The following TMEM196 variants were observed in gnomAD, a reference collection of about 807,000 sequenced individuals.
TMEM196 encodes transmembrane protein 196.
In TMEM196, 17 loss-of-function variants were observed where a neutral mutation model predicts 20.0. The ratio of observed to expected loss-of-function variants is 0.85; its 90% CI spans 0.58 to 1.27. The LOEUF (loss-of-function observed/expected upper bound fraction) is 1.27, where lower values mean the gene tolerates loss of function less well. TMEM196 is among the 50% of genes most tolerant of loss of function. The pLI is 0.00. For synonymous variants in TMEM196, 113 were observed against 88.9 expected (o/e 1.27, Z -1.52); for missense variants, 267 against 223.0 (o/e 1.20, Z -1.26).
chr7:19,772,777 C>T lies in TMEM196; in HGVS notation c.-81G>A. 3 of 1,291,464 alleles carry T rather than the reference C, an allele frequency of 2.3e-6. No homozygotes were observed. The highest frequency in any genetic ancestry group is 3.0e-5 in the East Asian group (1 of 33,726). 80.0% of individuals were successfully genotyped at this position (1,291,464 alleles called of 1,614,324 possible). On this transcript the variant is annotated 5_prime_UTR_variant, in exon 1 of 5. Transcript: ENST00000405844. ...TTTTCTTCCACTATCCTCCTTACCC[C>T]TTCCACCCCCTACCAGATCCCAAAA...
chr7:19,725,732 T>G lies in TMEM196; in HGVS notation c.241A>C (p.Ile81Leu). The G allele has an allele frequency of 6.2e-7, 1 of 1,612,614 alleles. No individual in the cohort carries two copies. The highest frequency in any genetic ancestry group is 2.2e-5 in the East Asian group (1 of 44,824). Residue 81 changes from isoleucine (I) to leucine (L), a missense_variant, in exon 3 of 5, where the codon ATT becomes CTT. Coordinates refer to ENST00000405844, the MANE Select transcript of TMEM196 (RefSeq NM_001363562.2). ...AACTGAAAATTCAGGATGCCCCCAA[T>G]AAGTCCACAGATACAGCAGGCTGAA... ...LFSACCICGL[I>L]GGILNFQFLR...
chr7:19,747,037 C>A (rs1366343825), intron 1 of TMEM196, among the ~76,000 whole-genome samples: 1 of 152,010 alleles, frequency 6.6e-6, no homozygotes, highest in African/African-American at 2.4e-5. Context: ...GGGCGGATCA[C>A]GAGGTCAGGA....
chr7:19,742,587 C>T (rs1477591686), intron 1 of TMEM196, among the ~76,000 whole-genome samples: 1 of 152,144 alleles, frequency 6.6e-6, no homozygotes, highest in East Asian at 1.9e-4. Flanking sequence ...CCAGTGTCAA[C>T]ACTCTTGGGA....
chr7:19,731,157 G>A (rs1189375619), intron 1 of TMEM196, among the ~76,000 whole-genome samples: 1 of 151,834 alleles, frequency 6.6e-6, no homozygotes, highest in Non-Finnish European at 1.5e-5. Context: ...ACACTCAAAG[G>A]CAAAAAATGT....
intron 1 of TMEM196, among the ~76,000 whole-genome samples, chr7:19,743,991 T>G (rs1784663475): frequency 6.6e-6 from 1 of 152,080 alleles, no homozygotes; most frequent in Non-Finnish European, 1.5e-5. Context: ...TTCTGGTAAA[T>G]GAATATGGAG....
intron 1 of TMEM196, among the ~76,000 whole-genome samples, chr7:19,735,242 A>G (rs1784356066): frequency 6.6e-6 from 1 of 152,186 alleles, no homozygotes; most frequent in African/African-American, 2.4e-5. Flanking sequence ...ACCAACAGGT[A>G]TTAGGAAAGT....
At position 19,730,743 on chromosome 7, in the gene TMEM196, A is replaced by C. The variant is rs551985081; in HGVS notation, c.148-1305T>G. ...GAGAAGTACCAAGAAAATCTGTTAAAAAGCAATAAGTAAGGGAAGTTGTTG... is the reference window on the plus strand; with the variant it reads ...GAGAAGTACCAAGAAAATCTGTTAACAAGCAATAAGTAAGGGAAGTTGTTG... On this transcript the variant is annotated intron_variant, in intron 1 of 4. Transcript: ENST00000405844. Among the ~76,000 whole-genome samples the C allele has an allele frequency of 9.3e-4, 142 of 152,332 alleles. 1 individual carries two copies. The highest frequency in any genetic ancestry group is 7.0e-3 in the South Asian group (34 of 4,828).
chr7:19,731,744 C>A (rs1784211827), intron 1 of TMEM196, among the ~76,000 whole-genome samples: 1 of 152,138 alleles, frequency 6.6e-6, no homozygotes, highest in Non-Finnish European at 1.5e-5. Context: ...AATAAATTTG[C>A]TATTTTGTAT....
chr7:19,758,945 T>G (rs1785321509), intron 1 of TMEM196, among the ~76,000 whole-genome samples: 1 of 152,208 alleles, frequency 6.6e-6, no homozygotes, highest in Non-Finnish European at 1.5e-5. Context: ...AAACTCCCCC[T>G]TTAGCTCTAA....
At chr7:19,749,638 A>G (rs757171072) in intron 1 of TMEM196, among the ~76,000 whole-genome samples, 1 of 152,184 alleles carries the variant, frequency 6.6e-6, no homozygotes, top group African/African-American at 2.4e-5. Context: ...CATATCCATC[A>G]TCTCTTTCAA....
intron 1 of TMEM196, among the ~76,000 whole-genome samples, chr7:19,745,252 A>T (rs1203046710): frequency 1.1e-4 from 17 of 151,942 alleles, no homozygotes; most frequent in Non-Finnish European, 1.5e-5. Flanking sequence ...ATTTTTCTCA[A>T]TTTTTAAAAA....
At chr7:19,754,267 G>C (rs561517094) in intron 1 of TMEM196, among the ~76,000 whole-genome samples, 1 of 152,082 alleles carries the variant, frequency 6.6e-6, no homozygotes, top group Non-Finnish European at 1.5e-5. Flanking sequence ...TCAAGTGCTC[G>C]CTATCTATTA....
intron 1 of TMEM196, among the ~76,000 whole-genome samples, chr7:19,754,352 A>G (rs1785116133): frequency 6.6e-6 from 1 of 152,178 alleles, no homozygotes; most frequent in African/African-American, 2.4e-5. Context: ...TTATATTCAA[A>G]TTCTCAGCCA....
intron 1 of TMEM196, among the ~76,000 whole-genome samples, chr7:19,750,611 C>T (rs1338844167): frequency 1.3e-5 from 2 of 152,064 alleles, no homozygotes; most frequent in African/African-American, 4.8e-5. Flanking sequence ...AGGCCATTTT[C>T]TACTCCCAAA....
intron 1 of TMEM196, among the ~76,000 whole-genome samples, chr7:19,730,381 G>T (rs948407659): frequency 6.6e-6 from 1 of 152,154 alleles, no homozygotes; most frequent in African/African-American, 2.4e-5. Context: ...ATCTACCAAG[G>T]AGAGACTATT....
At chr7:19,743,454 A>G (rs1183944096) in intron 1 of TMEM196, among the ~76,000 whole-genome samples, 1 of 152,128 alleles carries the variant, frequency 6.6e-6, no homozygotes, top group Non-Finnish European at 1.5e-5. Context: ...TATAGTCTAT[A>G]TTACTTAGCC....
chr7:19,744,124 A>G (rs1784668218), intron 1 of TMEM196, among the ~76,000 whole-genome samples: 1 of 152,190 alleles, frequency 6.6e-6, no homozygotes, highest in African/African-American at 2.4e-5. Flanking sequence ...TTTCTGAATT[A>G]TTTAAGAATA....
rs941419464 is a variant in TMEM196 at position 19,725,635 on chromosome 7, A to G, written c.338T>C (p.Ile113Thr). The change falls in exon 3 of 5, where the codon ATT becomes ACT. Residue 113 changes from isoleucine (I) to threonine (T), a missense_variant. Physicochemically the swap from Ile to Thr is moderately conservative, Grantham distance 89 (BLOSUM62 -1). Transcript: ENST00000405844. ...LHLASMSLAC[I>T]GIGGCTLSSW... ...AGAGAGAGTGCAGCCCCCGATCCCA[A>G]TGCACGCGAGAGACATGGAGGCAAG... 4 of 1,614,012 alleles carry G rather than the reference A, an allele frequency of 2.5e-6. No homozygotes were observed. The African/African-American group carries it at 4.0e-5, about 16-fold the overall frequency.
intron 2 of TMEM196, among the ~76,000 whole-genome samples, chr7:19,727,862 T>A (rs1335585750): frequency 6.6e-6 from 1 of 152,174 alleles, no homozygotes; most frequent in African/African-American, 2.4e-5. Flanking sequence ...TGTAACCATA[T>A]ACTATTTTCA....
Sources: allele counts gnomAD v4.1 joint callset (sites outside exome capture counted in the v4.1 genomes callset), GRCh38; gene constraint gnomAD v4.1.1; transcripts MANE v1.5; gene names NCBI Gene and HGNC (gene_info 2026-07-23, HGNC 2026-07-21).